Variants in LAMA2 observed in about 807,000 individuals in gnomAD.
LAMA2 encodes laminin subunit alpha-2.
A neutral mutation model predicts 364.8 loss-of-function variants in LAMA2; 269 were observed. The ratio of observed to expected loss-of-function variants is 0.74; its 90% CI spans 0.67 to 0.82. LAMA2 has a LOEUF of 0.82. LAMA2 is among the 40% of genes least tolerant of loss of function. LAMA2 has a pLI of 0.00. For synonymous variants in LAMA2, 1,379 were observed against 1,370.6 expected (o/e 1.01, Z -0.14); for missense variants, 3,807 against 3,873.2 (o/e 0.98, Z 0.45).
In LAMA2 at chr6:129,190,326, C is replaced by G. The variant is rs760095810; in HGVS notation, c.1589C>G (p.Ser530Cys). 9 of 1,613,292 alleles carry G rather than the reference C, an allele frequency of 5.6e-6. No individual in the cohort carries two copies. The Admixed American group carries it at 8.3e-5, about 15-fold the overall frequency. ...GGGGTTTCAAACAGATGTCAGAGTT[C>G]CTACTGGACCTATGGCAAAGTAAGC... ...CSGVSNRCQS[S>C]YWTYGKIQDM... is the part of the protein sequence containing the mutation. The change falls in exon 11 of 65, where the codon TCC becomes TGC. Residue 530 changes from serine to cysteine, a missense_variant. This residue lies in a region of LAMA2 where 3,333 missense variants were observed against 3,345.7 expected (regional missense o/e 1.00). Coordinates refer to ENST00000421865, the MANE Select transcript of LAMA2 (RefSeq NM_000426.4).
At chr6:129,234,369 G>A (rs2115137581) in intron 12 of LAMA2, among the ~76,000 whole-genome samples, 1 of 152,168 alleles carries the variant, frequency 6.6e-6, no homozygotes, top group South Asian at 2.1e-4. Context: ...CAATCTAGTT[G>A]TTGTTATATA....
chr6:129,072,378 T>G (rs1773373997), intron 3 of LAMA2, among the ~76,000 whole-genome samples: 1 of 152,190 alleles, frequency 6.6e-6, no homozygotes, highest in Non-Finnish European at 1.5e-5. Context: ...CTTTTGTATG[T>G]AGATTCACTA....
At chr6:129,263,052 C>A (rs867484314) in intron 15 of LAMA2, among the ~76,000 whole-genome samples, 3 of 152,096 alleles carry the variant, frequency 2.0e-5, no homozygotes, top group Non-Finnish European at 2.9e-5. Flanking sequence ...ACAGATGAGA[C>A]AGGGGATATA....
chr6:129,514,304 G>T, intron 63 of LAMA2, 69 bp from the exon 64 acceptor site: 1 of 1,088,934 alleles, frequency 9.2e-7, no homozygotes, highest in Non-Finnish European at 1.4e-6. Context: ...CTGATCATTT[G>T]TATGTGTGAA....
chr6:129,007,855 T>C (rs1221912481), intron 1 of LAMA2, among the ~76,000 whole-genome samples: 1 of 152,166 alleles, frequency 6.6e-6, no homozygotes, highest in Non-Finnish European at 1.5e-5. Context: ...GTTGATTAGT[T>C]TGTCTTTGGG....
chr6:129,202,520 A>G (rs1371982756), intron 12 of LAMA2, among the ~76,000 whole-genome samples: 3 of 152,110 alleles, frequency 2.0e-5, no homozygotes, highest in Admixed American at 2.0e-4. Context: ...CCCTCACCAC[A>G]CATCAAATCT....
chr6:129,155,099 A>C (rs1434274937), intron 8 of LAMA2, among the ~76,000 whole-genome samples: 1 of 152,176 alleles, frequency 6.6e-6, no homozygotes, highest in Non-Finnish European at 1.5e-5. Context: ...GAAATTGCTG[A>C]GTAGTATTTC....
chr6:129,229,922 A>G (rs1784574664), intron 12 of LAMA2, among the ~76,000 whole-genome samples: 1 of 152,190 alleles, frequency 6.6e-6, no homozygotes, highest in South Asian at 2.1e-4. Flanking sequence ...GATGCCTATT[A>G]TATATCGAGG....
chr6:129,473,673 C>G lies in LAMA2; in HGVS notation c.7439+321C>G, dbSNP rs141703616. On this transcript the variant is annotated intron_variant, in intron 52 of 64. Coordinates refer to ENST00000421865, the MANE Select transcript of LAMA2 (RefSeq NM_000426.4). ...GTAATTGCTGTTCTCCTTCTACATTCACTGGAGATAATGGCACTCTGACAT... is the reference window on the plus strand; with the variant it reads ...GTAATTGCTGTTCTCCTTCTACATTGACTGGAGATAATGGCACTCTGACAT... Among the ~76,000 whole-genome samples the G allele has an allele frequency of 2.2e-4, 34 of 151,708 alleles. No homozygotes were observed. In the East Asian group the frequency reaches 5.1e-3, roughly 23 times the overall value.
intron 1 of LAMA2, among the ~76,000 whole-genome samples, chr6:128,887,051 A>G (rs1162733163): frequency 6.6e-6 from 1 of 152,264 alleles, no homozygotes; most frequent in Non-Finnish European, 1.5e-5. Context: ...TGTTAAATAT[A>G]TAAAAATGTG....
chr6:128,965,138 T>C (rs1208654219), intron 1 of LAMA2, among the ~76,000 whole-genome samples: 1 of 151,990 alleles, frequency 6.6e-6, no homozygotes, highest in Non-Finnish European at 1.5e-5. Flanking sequence ...AAATATACTT[T>C]CAAGGATTTA....
rs1408438881 is a variant in LAMA2 at position 129,456,455 on chromosome 6, T to C, written c.6828T>C (p.Asn2276=). 6.2e-7 allele frequency: 1 copy of C among 1,613,554 alleles called. No individual in the cohort carries two copies. Residue 2276 remains asparagine (N), a synonymous_variant, in exon 48 of 65, where the codon AAT becomes AAC. Transcript: ENST00000421865. ...ACACGATTCTAGATGTGGATGCAAATGCAATGCTGTTTGTTGGTGGCCTGA... is the reference window on the plus strand; with the variant it reads ...ACACGATTCTAGATGTGGATGCAAACGCAATGCTGTTTGTTGGTGGCCTGA... ...PGYTILDVDA[N]AMLFVGGLTG...
chr6:129,279,914 G>A, intron 17 of LAMA2, 147 bp from the exon 18 acceptor site: 1 of 714,950 alleles, frequency 1.4e-6, no homozygotes, highest in Non-Finnish European at 2.6e-6. Context: ...CCATTGGCCA[G>A]ACCCTAATCT....
chr6:129,488,869 G>A (rs1469656915), intron 56 of LAMA2, among the ~76,000 whole-genome samples: 1 of 152,166 alleles, frequency 6.6e-6, no homozygotes, highest in Non-Finnish European at 1.5e-5. Flanking sequence ...TCTATGGCAT[G>A]ATTTGTGTCA....
intron 58 of LAMA2, among the ~76,000 whole-genome samples, chr6:129,499,212 G>T (rs1031364588): frequency 6.6e-6 from 1 of 152,078 alleles, no homozygotes; most frequent in African/African-American, 2.4e-5. Flanking sequence ...GTCCCCACAA[G>T]GTGGCAGAAT....
chr6:128,952,560 C>T (rs1183711238), intron 1 of LAMA2, among the ~76,000 whole-genome samples: 1 of 151,946 alleles, frequency 6.6e-6, no homozygotes, highest in Non-Finnish European at 1.5e-5. Context: ...GTTCAGAAAG[C>T]AATTTCATCT....
rs369266768 is a variant in LAMA2 at position 129,391,454 on chromosome 6, G to C, written c.5072-37G>C. 1.0e-5 allele frequency: 16 copies of C among 1,541,606 alleles called. No homozygotes were observed. In the South Asian group the frequency reaches 1.3e-4, roughly 13 times the overall value. On this transcript the variant is annotated intron_variant, in intron 35 of 64. Transcript: ENST00000421865. Reference sequence around the variant, plus strand: ...TACCATGTTTTCATGTGGCATGTTTGTTTACTAATTTACAAAATTTGTTTT... The same window carrying C: ...TACCATGTTTTCATGTGGCATGTTTCTTTACTAATTTACAAAATTTGTTTT...
intron 58 of LAMA2, 100 bp from the exon 59 acceptor site, chr6:129,502,559 A>G: frequency 1.2e-6 from 1 of 800,068 alleles, no homozygotes; most frequent in Admixed American, 1.9e-5. Flanking sequence ...TTTTATTCTT[A>G]AAGAATTACG....
chr6:128,961,009 CG>C (rs1312130013), intron 1 of LAMA2, among the ~76,000 whole-genome samples: 3 of 151,526 alleles, frequency 2.0e-5, no homozygotes, highest in African/African-American at 4.8e-5. Flanking sequence ...CTGTATGTCA[CG>C]AAAGCATGTT....
Sources: allele counts gnomAD v4.1 joint callset (sites outside exome capture counted in the v4.1 genomes callset), GRCh38; gene constraint gnomAD v4.1.1; regional missense constraint gnomAD v4.1.1; transcripts MANE v1.5; gene names NCBI Gene and HGNC (gene_info 2026-07-23, HGNC 2026-07-21).